Variants in MSRB3 observed in about 807,000 individuals in gnomAD.
MSRB3 encodes methionine sulfoxide reductase B3.
A neutral mutation model predicts 21.0 loss-of-function variants in MSRB3; 13 were observed. That is an observed-to-expected ratio of 0.62 (90% CI 0.40 to 0.98). The LOEUF is 0.98. Ranked by LOEUF, MSRB3 falls within the 50% of genes least tolerant of loss-of-function variation. MSRB3 has a pLI of 0.00. For missense variants in MSRB3, 199 were observed against 230.3 expected (o/e 0.86, Z 0.88); for synonymous variants, 87 against 88.6 (o/e 0.98, Z 0.10).
chr12:65,411,584 T>G (rs2136625502), intron 5 of MSRB3, among the ~76,000 whole-genome samples: 1 of 152,198 alleles, frequency 6.6e-6, no homozygotes, highest in African/African-American at 2.4e-5. Flanking sequence ...AAATTCTCTT[T>G]ATAAGCTGTT....
At chr12:65,347,259 A>G (rs897986790) in intron 4 of MSRB3, among the ~76,000 whole-genome samples, 1 of 151,748 alleles carries the variant, frequency 6.6e-6, no homozygotes, top group African/African-American at 2.4e-5. Flanking sequence ...CTTTTATTTC[A>G]TTGAGCAGTG....
intron 5 of MSRB3, among the ~76,000 whole-genome samples, chr12:65,395,508 C>A (rs1182461497): frequency 6.6e-6 from 1 of 150,916 alleles, no homozygotes; most frequent in Non-Finnish European, 1.5e-5. Flanking sequence ...AAAATAATAA[C>A]AAGTTCATCA....
rs74340122 is a variant in MSRB3, at chr12:65,373,645, A to G, written c.292+4619A>G. ...TCATAGAACACAGCAACTCAAAGGT[A>G]TAAGATTTCATGAAAGCGAATTATG... On this transcript the variant is annotated intron_variant, in intron 5 of 6. Transcript: ENST00000308259. Among the ~76,000 whole-genome samples, 274 of 152,314 alleles carry G rather than the reference A, an allele frequency of 1.8e-3. 11 individuals are homozygous for G. The East Asian group carries it at 0.045, about 25-fold the overall frequency.
intron 5 of MSRB3, among the ~76,000 whole-genome samples, chr12:65,380,174 T>G (rs370776711): frequency 4.6e-5 from 7 of 151,982 alleles, no homozygotes; most frequent in African/African-American, 1.7e-4. Context: ...TAGATATAAA[T>G]AAAGAGGAAG....
At chr12:65,346,131 C>T (rs1277855659) in intron 4 of MSRB3, among the ~76,000 whole-genome samples, 1 of 152,144 alleles carries the variant, frequency 6.6e-6, no homozygotes, top group Non-Finnish European at 1.5e-5. Flanking sequence ...AATGGTATTT[C>T]TAGTTCTAGA....
At chr12:65,285,957 A>G (rs1441897644) in intron 1 of MSRB3, 1 of 152,272 alleles carries the variant, frequency 6.6e-6, no homozygotes, top group Non-Finnish European at 1.5e-5. Flanking sequence ...ACACATTTAC[A>G]TACAGTATAT....
chr12:65,403,481 A>G (rs918453214), intron 5 of MSRB3, among the ~76,000 whole-genome samples: 1 of 152,110 alleles, frequency 6.6e-6, no homozygotes, highest in Non-Finnish European at 1.5e-5. Context: ...TTCCCAGTTC[A>G]ACTTCGGACT....
At chr12:65,355,194 A>T (rs889243578) in intron 4 of MSRB3, among the ~76,000 whole-genome samples, 2 of 151,918 alleles carry the variant, frequency 1.3e-5, no homozygotes, top group African/African-American at 4.8e-5. Flanking sequence ...AATAATTGTC[A>T]ATCTATGAGA....
intron 1 of MSRB3, among the ~76,000 whole-genome samples, chr12:65,296,761 C>T (rs1285903685): frequency 6.6e-6 from 1 of 152,144 alleles, no homozygotes; most frequent in Non-Finnish European, 1.5e-5. Flanking sequence ...AAGTGAAAGA[C>T]CACTGACTAC....
chr12:65,353,940 G>A (rs1406793534), intron 4 of MSRB3, among the ~76,000 whole-genome samples: 5 of 151,922 alleles, frequency 3.3e-5, no homozygotes, highest in Non-Finnish European at 1.5e-5. Flanking sequence ...AAATCTCTCA[G>A]CATTTGCTTG....
At chr12:65,346,370 A>G (rs1336772650) in intron 4 of MSRB3, among the ~76,000 whole-genome samples, 30 of 152,034 alleles carry the variant, frequency 2.0e-4, no homozygotes, top group African/African-American at 6.5e-4. Context: ...TTTTTTGGCT[A>G]CATAAATGTC....
chr12:65,338,969 T>C (rs1316949941), intron 4 of MSRB3, among the ~76,000 whole-genome samples: 1 of 151,930 alleles, frequency 6.6e-6, no homozygotes, highest in South Asian at 2.1e-4. Flanking sequence ...CCCAGTTACT[T>C]GGGAGGCTGA....
At chr12:65,329,231 G>C (rs971792498) in intron 4 of MSRB3, among the ~76,000 whole-genome samples, 2 of 152,156 alleles carry the variant, frequency 1.3e-5, no homozygotes, top group Non-Finnish European at 2.9e-5. Context: ...GATTATGGAT[G>C]TTATTCAAGA....
At chr12:65,453,867 G>C in intron 6 of MSRB3, 42 bp downstream of exon 6, 1 of 1,514,954 alleles carries the variant, frequency 6.6e-7, no homozygotes, top group Non-Finnish European at 9.2e-7. Flanking sequence ...TTGCTTTCAG[G>C]ACTCCTGGTT....
At chr12:65,297,847 T>G (rs1873070133) in intron 1 of MSRB3, among the ~76,000 whole-genome samples, 1 of 152,142 alleles carries the variant, frequency 6.6e-6, no homozygotes, top group Admixed American at 6.6e-5. Flanking sequence ...AGGCCATTAC[T>G]TATGGTAGAT....
At chr12:65,373,335 G>T (rs778341035) in intron 5 of MSRB3, among the ~76,000 whole-genome samples, 3 of 152,138 alleles carry the variant, frequency 2.0e-5, no homozygotes, top group Non-Finnish European at 4.4e-5. Context: ...TGACCAAGAA[G>T]AATCTTATTT....
chr12:65,283,130 ATCAGTTGTTT>A (rs1375199995), intron 1 of MSRB3, among the ~76,000 whole-genome samples: 1 of 152,180 alleles, frequency 6.6e-6, no homozygotes. Context: ...CTGAGAATTT[ATCAGTTGTTT>A]TCCTATTTCT....
chr12:65,342,774 C>G (rs548540599), intron 4 of MSRB3, among the ~76,000 whole-genome samples: 7 of 151,870 alleles, frequency 4.6e-5, no homozygotes, highest in Non-Finnish European at 7.4e-5. Context: ...TCTGACATTT[C>G]AGATAATAGT....
chr12:65,354,183 T>G (rs1294087028), intron 4 of MSRB3, among the ~76,000 whole-genome samples: 3 of 151,996 alleles, frequency 2.0e-5, no homozygotes, highest in Non-Finnish European at 2.9e-5. Context: ...TCAACTTTGG[T>G]GAATCTGACA....
Sources: allele counts gnomAD v4.1 joint callset (sites outside exome capture counted in the v4.1 genomes callset), GRCh38; gene constraint gnomAD v4.1.1; transcripts MANE v1.5; gene names NCBI Gene and HGNC (gene_info 2026-07-23, HGNC 2026-07-21).